The following PIP5K1C variants were observed in gnomAD, a reference collection of about 807,000 sequenced individuals.
PIP5K1C encodes the protein phosphatidylinositol 4-phosphate 5-kinase type-1 gamma.
A neutral mutation model predicts 80.1 loss-of-function variants in PIP5K1C; 45 were observed. The ratio of observed to expected loss-of-function variants is 0.56; its 90% CI spans 0.44 to 0.72. The LOEUF (loss-of-function observed/expected upper bound fraction) is 0.72, where lower values mean the gene tolerates loss of function less well. Ranked by LOEUF, PIP5K1C falls within the 30% of genes least tolerant of loss-of-function variation. PIP5K1C has a pLI of 0.00. For missense variants in PIP5K1C, 753 were observed against 954.6 expected (o/e 0.79, Z 2.78); for synonymous variants, 498 against 420.1 (o/e 1.19, Z -2.27).
Position 3,637,552 on chromosome 19 carries a change from AGCGTCACGGCCCGCAGTCGGCGAT to A in PIP5K1C, c.1920+1308_1920+1331del. On this transcript the variant is annotated intron_variant, in intron 16 of 17. Coordinates refer to ENST00000335312, the MANE Select transcript of PIP5K1C (RefSeq NM_012398.3). The surrounding 1 kb of genome is among the most constrained non-coding windows in gnomAD (Gnocchi z 7.0). ...GTCACTTACAGTCCCCGAGGCGCTCAGCGTCACGGCCCGCAGTCGGCGATGGCGGGGAGAGTAAATCCAGTACCT... is the reference window on the plus strand; with the variant it reads ...GTCACTTACAGTCCCCGAGGCGCTCAGGCGGGGAGAGTAAATCCAGTACCT... 1 of 1,523,496 alleles carries A rather than the reference AGCGTCACGGCCCGCAGTCGGCGAT, an allele frequency of 6.6e-7. No individual in the cohort carries two copies. The highest frequency in any genetic ancestry group is 8.8e-7 in the Non-Finnish European group (1 of 1,139,884). The allele number at this position is 1,523,496 out of a possible 1,614,324, so 94.4% of individuals were successfully genotyped here.
At chr19:3,698,099 C>G (rs2036182396) in intron 1 of PIP5K1C, among the ~76,000 whole-genome samples, 1 of 152,286 alleles carries the variant, frequency 6.6e-6, no homozygotes, top group Admixed American at 6.5e-5. Context: ...CCCGCTGTAG[C>G]TGAGCTTTCT....
intron 5 of PIP5K1C, among the ~76,000 whole-genome samples, chr19:3,656,866 C>T (rs2034653220): frequency 6.6e-6 from 1 of 152,224 alleles, no homozygotes; most frequent in African/African-American, 2.4e-5. Flanking sequence ...CTAAAAGGTG[C>T]TCCCAGCACC....
chr19:3,697,526 G>A (rs2036163708), intron 1 of PIP5K1C, among the ~76,000 whole-genome samples: 1 of 152,340 alleles, frequency 6.6e-6, no homozygotes, highest in East Asian at 1.9e-4. Context: ...CTGGACCCGG[G>A]AGGACCAAGC....
chr19:3,700,383 A>G lies in PIP5K1C; in HGVS notation c.8T>C (p.Leu3Pro). ...GCTCTCCGCCTCGTCCGGTACCTCC[A>G]GCTCCATGGCCGCGCGCGGACGGCG... is the stretch of plus-strand genomic sequence containing the variant. The part of the protein sequence containing the change: ME[L>P]EVPDEAESAE... Residue 3 changes from leucine (L) to proline (P), a missense_variant, in exon 1 of 18, where the codon CTG becomes CCG. This residue lies in a region of PIP5K1C where 78 missense variants were observed against 67.1 expected (regional missense o/e 1.16). Transcript: ENST00000335312. The G allele has an allele frequency of 8.3e-7, 1 of 1,204,344 alleles. No individual in the cohort carries two copies. Among genetic ancestry groups the G allele is most frequent in the South Asian group, 2.1e-5 (1 of 47,588 alleles). The allele number at this position is 1,204,344 out of a possible 1,614,324, so 74.6% of individuals were successfully genotyped here.
At chr19:3,671,052 T>G in intron 1 of PIP5K1C, among the ~76,000 whole-genome samples, 1 of 151,804 alleles carries the variant, frequency 6.6e-6, no homozygotes, top group African/African-American at 2.4e-5. Flanking sequence ...GTCCAGGGTG[T>G]GGGGGAAGGA....
rs933023720 is a variant in PIP5K1C at position 3,633,062 on chromosome 19, AGGCG to A, written c.*101_*104del. On this transcript the variant is annotated 3_prime_UTR_variant, in exon 18 of 18. Coordinates refer to ENST00000335312, the MANE Select transcript of PIP5K1C (RefSeq NM_012398.3). Reference sequence around the variant, plus strand: ...GAGGACGAGGTCCGGTGGGGCGGCGAGGCGGGCATCTCCCGAGCTCTGGGCCTCA... The same window carrying A: ...GAGGACGAGGTCCGGTGGGGCGGCGAGGCATCTCCCGAGCTCTGGGCCTCA... The A allele has an allele frequency of 7.3e-6, 5 of 683,834 alleles. No homozygotes were observed. Among genetic ancestry groups the A allele is most frequent in the Non-Finnish European group, 1.4e-5 (5 of 367,150 alleles). 42.4% of individuals were successfully genotyped at this position (683,834 alleles called of 1,614,324 possible).
At chr19:3,639,396 G>A (rs899551050) in intron 15 of PIP5K1C, among the ~76,000 whole-genome samples, 3 of 152,178 alleles carry the variant, frequency 2.0e-5, no homozygotes, top group East Asian at 1.9e-4. Flanking sequence ...GGGGAGAGAT[G>A]GCACCTAGCC....
chr19:3,677,950 GGGATGGAT>G (rs1421844432), intron 1 of PIP5K1C, among the ~76,000 whole-genome samples: 1 of 130,840 alleles, frequency 7.6e-6, no homozygotes, highest in African/African-American at 2.9e-5. Flanking sequence ...GATGGAGGGA[GGGATGGAT>G]GGATGGAGGA....
intron 4 of PIP5K1C, 78 bp from the exon 5 acceptor site, chr19:3,661,161 TGCCTCTAGCAGCTGA>T (rs367939559): frequency 2.3e-5 from 22 of 959,298 alleles, no homozygotes; most frequent in African/African-American, 1.3e-4. Context: ...TCCCTCCTAG[TGCCTCTAGCAGCTGA>T]GCCTCTAGCG....
chr19:3,646,912 A>G (rs1239906354), intron 10 of PIP5K1C, among the ~76,000 whole-genome samples: 2 of 150,566 alleles, frequency 1.3e-5, no homozygotes, highest in African/African-American at 4.9e-5. Context: ...CAGAGGGAGG[A>G]AGGATGGGAG....
At chr19:3,677,288 G>A (rs978441909) in intron 1 of PIP5K1C, among the ~76,000 whole-genome samples, 1 of 151,756 alleles carries the variant, frequency 6.6e-6, no homozygotes, top group African/African-American at 2.4e-5. Context: ...AAGAAAAAGA[G>A]AAAGTTTTAG....
intron 16 of PIP5K1C, among the ~76,000 whole-genome samples, chr19:3,635,111 G>A (rs147384219): frequency 6.6e-6 from 1 of 152,372 alleles, no homozygotes; most frequent in East Asian, 1.9e-4. Context: ...CCAAAACAGG[G>A]TCCCCACCTG....
chr19:3,687,888 A>C (rs2035813882), intron 1 of PIP5K1C, among the ~76,000 whole-genome samples: 1 of 152,148 alleles, frequency 6.6e-6, no homozygotes, highest in Admixed American at 6.5e-5. Flanking sequence ...AGGCGGGCGG[A>C]GCATCCAGAA....
intron 3 of PIP5K1C, among the ~76,000 whole-genome samples, chr19:3,664,107 G>A (rs772919097): frequency 4.1e-4 from 63 of 152,248 alleles, no homozygotes; most frequent in Non-Finnish European, 8.5e-4. Flanking sequence ...CTCAGTGAGA[G>A]ACGCCAGACA....
intron 5 of PIP5K1C, 98 bp downstream of exon 5, chr19:3,660,868 C>T (rs1260984042): frequency 1.1e-6 from 1 of 919,572 alleles, no homozygotes; most frequent in Non-Finnish European, 1.8e-6. Flanking sequence ...ACGAGGAACC[C>T]AGGGAGGCTG....
In PIP5K1C at chr19:3,648,808, G is replaced by T; in HGVS notation, c.1128-100C>A. ...AGGGCTAGGGAGTCCATCTGCTCCT[G>T]TGGGTGGCAACTTGGCCAAGCTCTC... is the stretch of plus-strand genomic sequence containing the variant. On this transcript the variant is annotated intron_variant, in intron 8 of 17. Transcript: ENST00000335312. This position sits in a 1 kb window ranked among gnomAD's most constrained non-coding sequence, Gnocchi z 4.3. The T allele has an allele frequency of 1.0e-6, 1 of 1,001,732 alleles. No homozygotes were observed. The highest frequency in any genetic ancestry group is 1.6e-6 in the Non-Finnish European group (1 of 643,120). The allele number at this position is 1,001,732 out of a possible 1,614,324, so 62.1% of individuals were successfully genotyped here.
intron 1 of PIP5K1C, among the ~76,000 whole-genome samples, chr19:3,683,957 C>G (rs1203530995): frequency 6.7e-6 from 1 of 150,138 alleles, no homozygotes; most frequent in Non-Finnish European, 1.5e-5. Flanking sequence ...CCCGCTTCCT[C>G]TCCCGGGCAG....
In PIP5K1C at chr19:3,637,955, G is replaced by A. The variant is rs1254994867; in HGVS notation, c.1920+929C>T. On this transcript the variant is annotated intron_variant, in intron 16 of 17. Transcript: ENST00000335312. This position sits in a 1 kb window ranked among gnomAD's most constrained non-coding sequence, Gnocchi z 7.0. ...GGGTAGGGGCACAGGCACGCGGCCC[G>A]TCCCTCCCTTCTCCAGGGCCAGGTG... 26 of 1,534,178 alleles carry A rather than the reference G, an allele frequency of 1.7e-5. No individual in the cohort carries two copies. The highest frequency in any genetic ancestry group is 1.8e-4 in the Middle Eastern group (1 of 5,608).
intron 16 of PIP5K1C, chr19:3,638,016 GAGC>G (rs2033778895): frequency 6.7e-7 from 1 of 1,499,460 alleles, no homozygotes. Context: ...ACTGGAGACA[GAGC>G]AGGGGAGTTA....
Sources: gnomAD v4.1 joint callset for allele counts (sites outside exome capture counted in the v4.1 genomes callset) on GRCh38, gnomAD v4.1.1 for gene constraint, gnomAD v4.1.1 regional missense constraint, Gnocchi (gnomAD v3.1) non-coding constraint, MANE v1.5 for transcripts, NCBI Gene and HGNC (gene_info 2026-07-23, HGNC 2026-07-21) for gene names.